Variants in SLC6A15 observed in about 807,000 individuals in gnomAD.
SLC6A15 encodes sodium-dependent neutral amino acid transporter B(0)AT2.
SLC6A15 carries 33 observed loss-of-function variants against 68.5 expected under a neutral mutation model. The observed-to-expected ratio is 0.48, with a 90% CI of 0.37 to 0.64. The LOEUF (loss-of-function observed/expected upper bound fraction) is 0.64. SLC6A15 is among the 30% of genes least tolerant of loss of function. SLC6A15 has a pLI of 0.00. For missense variants in SLC6A15, 747 were observed against 874.3 expected, an observed-to-expected ratio of 0.85 and a Z score of 1.84; for synonymous variants, 347 against 301.0, an observed-to-expected ratio of 1.15 and a Z score of -1.58.
chr12:84,873,572 G>A (rs572603849), intron 6 of SLC6A15, among the ~76,000 whole-genome samples: 1 of 152,056 alleles, frequency 6.6e-6, no homozygotes, highest in Non-Finnish European at 1.5e-5. Flanking sequence ...CTACTTACAT[G>A]GTGGTTTTTA....
chr12:84,882,591 G>A, intron 5 of SLC6A15: 1 of 431,914 alleles, frequency 2.3e-6, no homozygotes, highest in Non-Finnish European at 3.1e-6. Context: ...GGTGGGACTA[G>A]GACGGGGTGA....
chr12:84,886,255 G>A (rs1173915646), intron 2 of SLC6A15, among the ~76,000 whole-genome samples, 187 bp from the exon 3 acceptor site: 1 of 152,022 alleles, frequency 6.6e-6, no homozygotes, highest in Admixed American at 6.6e-5. Context: ...TTTCTACAAA[G>A]AGTTTCTGAT....
chr12:84,884,054 A>T lies in SLC6A15; in HGVS notation c.575-14T>A, dbSNP rs747354168. ...CTGGTTCTACAACTGTAGAAAGAAA[A>T]GTAACACACAATTATTTCAGAATAT... On this transcript the variant is annotated splice_polypyrimidine_tract_variant and intron_variant, in intron 4 of 11. Transcript: ENST00000266682. 6 of 1,593,484 alleles carry T rather than the reference A, an allele frequency of 3.8e-6. No individual in the cohort carries two copies. Among genetic ancestry groups the T allele is most frequent in the Non-Finnish European group, 5.2e-6 (6 of 1,162,854 alleles).
intron 9 of SLC6A15, among the ~76,000 whole-genome samples, chr12:84,868,617 G>C (rs1871160515): frequency 1.3e-5 from 2 of 152,108 alleles, no homozygotes; most frequent in Non-Finnish European, 2.9e-5. Context: ...AAATCTTACT[G>C]CATAAAGAAG....
At position 84,872,772 on chromosome 12, in the gene SLC6A15, A is replaced by C. The variant is rs1871344110; in HGVS notation, c.1132T>G (p.Phe378Val). 6.2e-7 allele frequency: 1 copy of C among 1,603,456 alleles called. No individual in the cohort carries two copies. The highest frequency in any genetic ancestry group is 8.5e-7 in the Non-Finnish European group (1 of 1,177,450). ...ITQNSETIMK[F>V]LKMGNISQDI... ...TGACTAATGTTCCCCATTTTCAAAA[A>C]TTTCATGATCGTCTCTGAATTTCTG... is the stretch of plus-strand genomic sequence containing the variant. The change falls in exon 8 of 12, where the codon TTT (phenylalanine) becomes GTT (valine). Residue 378 changes from phenylalanine to valine, a missense_variant. By Grantham distance (50) the Phe-to-Val change is conservative. Coordinates refer to ENST00000266682, the MANE Select transcript of SLC6A15 (RefSeq NM_182767.6).
chr12:84,896,586 A>C (rs529369820), intron 1 of SLC6A15, among the ~76,000 whole-genome samples: 10 of 152,336 alleles, frequency 6.6e-5, no homozygotes, highest in African/African-American at 2.4e-4. Flanking sequence ...TTTGTATGGC[A>C]CTACTTCCCA....
Position 84,886,300 on chromosome 12 carries a change from T to C in SLC6A15, c.290-232A>G, listed in dbSNP as rs372650642. On this transcript the variant is annotated intron_variant, in intron 2 of 11. Transcript: ENST00000266682. ...ATTAGGATAAAATTAAGAATATTAA[T>C]GAATAGCTTTAGCTTAAATTTATTT... is the stretch of plus-strand genomic sequence containing the variant. Among the ~76,000 whole-genome samples, 93 of 152,260 alleles carry C rather than the reference T, an allele frequency of 6.1e-4. No individual in the cohort carries two copies. In the South Asian group the frequency reaches 0.019, roughly 31 times the overall value.
At chr12:84,886,287 T>G (rs1872099995) in intron 2 of SLC6A15, among the ~76,000 whole-genome samples, 1 of 152,116 alleles carries the variant, frequency 6.6e-6, no homozygotes, top group African/African-American at 2.4e-5. Context: ...TAGGATAAAA[T>G]TAAGAATATT....
chr12:84,866,962 G>T (rs1444341260), intron 10 of SLC6A15, 72 bp downstream of exon 10: 3 of 1,282,804 alleles, frequency 2.3e-6, no homozygotes, highest in South Asian at 3.5e-5. Context: ...TCTTCTAAAT[G>T]AAATGAACAT....
intron 2 of SLC6A15, among the ~76,000 whole-genome samples, chr12:84,886,529 G>A (rs148188051): frequency 1.9e-4 from 29 of 150,456 alleles, no homozygotes; most frequent in African/African-American, 6.8e-4. Context: ...CATTAACGTT[G>A]ACTTTTTTTT....
intron 6 of SLC6A15, among the ~76,000 whole-genome samples, chr12:84,875,677 TATATATATATATATATATATATG>T (rs1377899570): frequency 0.47 from 369 of 786 alleles, 45 homozygotes; most frequent in East Asian, 0.62. Context: ...TATATATATA[TATATATATATATATATATATATG>T]AGAATCAAAA....
At chr12:84,885,835 A>C in intron 3 of SLC6A15, 76 bp downstream of exon 3, 1 of 1,403,280 alleles carries the variant, frequency 7.1e-7, no homozygotes, top group Non-Finnish European at 9.7e-7. Flanking sequence ...CACACTCCAA[A>C]GTTTCATTTA....
At chr12:84,882,548 G>C in intron 5 of SLC6A15, 1 of 779,074 alleles carries the variant, frequency 1.3e-6, no homozygotes, top group African/African-American at 1.9e-5. Flanking sequence ...AGATGAATTA[G>C]ACAGACTTCT....
At chr12:84,885,107 C>G (rs769685732) in intron 4 of SLC6A15, among the ~76,000 whole-genome samples, 1 of 151,742 alleles carries the variant, frequency 6.6e-6, no homozygotes, top group Non-Finnish European at 1.5e-5. Context: ...ATTTCTGTCC[C>G]CTTTCTGTTA....
intron 5 of SLC6A15, chr12:84,882,886 T>G: frequency 3.3e-6 from 2 of 602,494 alleles, no homozygotes; most frequent in South Asian, 1.5e-4. Context: ...CTTACCCTAA[T>G]TCTTGTCAGA....
At chr12:84,890,661 A>G (rs776490029) in intron 2 of SLC6A15, among the ~76,000 whole-genome samples, 2 of 152,190 alleles carry the variant, frequency 1.3e-5, no homozygotes, top group Admixed American at 6.5e-5. Context: ...GCCTGTTTGA[A>G]TTAACTAAAA....
At chr12:84,882,385 A>T in intron 5 of SLC6A15, 1 of 977,782 alleles carries the variant, frequency 1.0e-6, no homozygotes. Context: ...CAAAGACTTA[A>T]AGATATTTAG....
chr12:84,879,377 G>A (rs568070568), intron 5 of SLC6A15, among the ~76,000 whole-genome samples: 1 of 151,562 alleles, frequency 6.6e-6, no homozygotes, highest in East Asian at 1.9e-4. Flanking sequence ...CCAGGGTGGA[G>A]TGCCGTGGTG....
At chr12:84,870,277 CATATT>C (rs1298656539) in intron 9 of SLC6A15, among the ~76,000 whole-genome samples, 196 bp downstream of exon 9, 14 of 148,722 alleles carry the variant, frequency 9.4e-5, no homozygotes, top group East Asian at 2.0e-4. Flanking sequence ...TTAAAACATC[CATATT>C]ATATTATACA....
Sources: allele counts gnomAD v4.1 joint callset (sites outside exome capture counted in the v4.1 genomes callset), GRCh38; gene constraint gnomAD v4.1.1; transcripts MANE v1.5; gene names NCBI Gene and HGNC (gene_info 2026-07-23, HGNC 2026-07-21).